BNC2: variants seen among roughly 807,000 people sequenced by gnomAD.
BNC2 encodes basonuclin zinc finger protein 2.
A neutral mutation model predicts 76.3 loss-of-function variants in BNC2; 20 were observed. That is an observed-to-expected ratio of 0.26 (90% CI 0.18 to 0.38). The LOEUF (loss-of-function observed/expected upper bound fraction) is 0.38. BNC2 is among the 10% of genes least tolerant of loss of function. The pLI, the probability that BNC2 is intolerant of heterozygous loss-of-function variation, is 1.00. For synonymous variants in BNC2, 582 were observed against 514.8 expected, an observed-to-expected ratio of 1.13 and a Z score of -1.77; for missense variants, 1,382 against 1,399.8, an observed-to-expected ratio of 0.99 and a Z score of 0.20.
intron 3 of BNC2, among the ~76,000 whole-genome samples, chr9:16,696,092 T>C (rs536136493): frequency 6.6e-6 from 1 of 152,166 alleles, no homozygotes; most frequent in African/African-American, 2.4e-5. Flanking sequence ...TTCTAACAAG[T>C]ACATGCTCAG....
At chr9:16,862,659 T>G (rs1475399408) in intron 1 of BNC2, among the ~76,000 whole-genome samples, 2 of 152,200 alleles carry the variant, frequency 1.3e-5, no homozygotes, top group Admixed American at 6.5e-5. Flanking sequence ...TATTCCTCTC[T>G]CTTTAATTAC....
intron 1 of BNC2, among the ~76,000 whole-genome samples, chr9:16,757,161 A>G (rs1159140247): frequency 6.6e-6 from 1 of 152,208 alleles, no homozygotes; most frequent in South Asian, 2.1e-4. Context: ...AGACAGACTC[A>G]ATAAATACTT....
At chr9:16,837,335 C>G (rs1456667917) in intron 1 of BNC2, among the ~76,000 whole-genome samples, 1 of 152,106 alleles carries the variant, frequency 6.6e-6, no homozygotes, top group East Asian at 1.9e-4. Flanking sequence ...GAAATCCCGT[C>G]TCTACTAAAA....
chr9:16,808,304 C>A (rs1039145736), intron 1 of BNC2, among the ~76,000 whole-genome samples: 4 of 151,904 alleles, frequency 2.6e-5, no homozygotes, highest in African/African-American at 9.7e-5. Flanking sequence ...CGGTTTATTT[C>A]ATTAAAATTT....
chr9:16,677,343 C>T (rs1822674199), intron 3 of BNC2, among the ~76,000 whole-genome samples: 2 of 152,146 alleles, frequency 1.3e-5, no homozygotes, highest in South Asian at 4.2e-4. Context: ...GTGGCTGAGG[C>T]TGGCAGATTA....
At chr9:16,829,942 A>G (rs1435730724) in intron 1 of BNC2, among the ~76,000 whole-genome samples, 1 of 152,200 alleles carries the variant, frequency 6.6e-6, no homozygotes, top group Non-Finnish European at 1.5e-5. Context: ...TGAATCCACC[A>G]CATTTTAATG....
At chr9:16,864,465 T>G (rs150841306) in intron 1 of BNC2, among the ~76,000 whole-genome samples, 5 of 152,288 alleles carry the variant, frequency 3.3e-5, no homozygotes, top group East Asian at 3.9e-4. Flanking sequence ...CAAATGAAGT[T>G]TGGATGAAAA....
At chr9:16,693,824 T>C (rs913295647) in intron 3 of BNC2, among the ~76,000 whole-genome samples, 20 of 152,218 alleles carry the variant, frequency 1.3e-4, no homozygotes, top group African/African-American at 4.8e-4. Flanking sequence ...CCACATCTGC[T>C]GCAAACATTA....
rs564594705 is a variant in BNC2 at position 16,690,590 on chromosome 9, C to G, written c.330+37207G>C. Among the ~76,000 whole-genome samples, 4 of 152,142 alleles carry G rather than the reference C, an allele frequency of 2.6e-5. No homozygotes were observed. The East Asian group carries it at 5.8e-4, about 22-fold the overall frequency. ...TATCCATTTTCAAGGATGGAATGAC[C>G]AGAAATACATTCATTGTTATAGAGT... On this transcript the variant is annotated intron_variant, in intron 3 of 6. Transcript: ENST00000380672.
At chr9:16,620,382 C>A (rs975194912) in intron 3 of BNC2, among the ~76,000 whole-genome samples, 1 of 152,134 alleles carries the variant, frequency 6.6e-6, no homozygotes, top group Non-Finnish European at 1.5e-5. Context: ...GGACTTTGCT[C>A]GGAGCTTTTA....
intron 1 of BNC2, among the ~76,000 whole-genome samples, chr9:16,765,786 T>C (rs7862269): frequency 0.72 from 90,765 of 126,734 alleles, 28,805 homozygotes; most frequent in Non-Finnish European, 0.76. Flanking sequence ...CTCGTAATTT[T>C]TTTTTTTTTT....
chr9:16,816,400 G>A (rs1463733757), intron 1 of BNC2, among the ~76,000 whole-genome samples: 3 of 152,168 alleles, frequency 2.0e-5, no homozygotes, highest in African/African-American at 7.2e-5. Flanking sequence ...GCTCTCTTCA[G>A]TAGAGAATAC....
chr9:16,620,089 T>C, intron 3 of BNC2, among the ~76,000 whole-genome samples: 1 of 152,292 alleles, frequency 6.6e-6, no homozygotes. Flanking sequence ...ATGTAATGAA[T>C]GACAGAACAC....
rs938398916 is a variant in BNC2 at position 16,832,218 on chromosome 9, T to C, written c.3+38428A>G. Reference sequence around the variant, plus strand: ...CAAGGTAGTCTTCAAAGGAAAAATATGAAACTATTACATGTAGTTAAATAC... The same window carrying C: ...CAAGGTAGTCTTCAAAGGAAAAATACGAAACTATTACATGTAGTTAAATAC... On this transcript the variant is annotated intron_variant, in intron 1 of 6. Transcript: ENST00000380672. 57 of 1,167,554 alleles carry C rather than the reference T, an allele frequency of 4.9e-5. No homozygotes were observed. In the African/African-American group the frequency reaches 7.8e-4, roughly 16 times the overall value. The allele number at this position is 1,167,554 out of a possible 1,614,324, so 72.3% of individuals were successfully genotyped here. A position where few individuals can be genotyped will look rare whatever the true frequency, so the allele number is the denominator to read the frequency against.
intron 3 of BNC2, among the ~76,000 whole-genome samples, chr9:16,602,315 C>G (rs1250498226): frequency 1.3e-5 from 2 of 152,166 alleles, no homozygotes; most frequent in African/African-American, 2.4e-5. Context: ...GTATTTACTA[C>G]TAATCATCTT....
chr9:16,672,640 T>C (rs1192207831), intron 3 of BNC2, among the ~76,000 whole-genome samples: 2 of 152,236 alleles, frequency 1.3e-5, no homozygotes, highest in Non-Finnish European at 2.9e-5. Flanking sequence ...AGAACATTGT[T>C]CTAAATCCAT....
At chr9:16,819,035 A>G (rs1307334402) in intron 1 of BNC2, among the ~76,000 whole-genome samples, 1 of 152,198 alleles carries the variant, frequency 6.6e-6, no homozygotes. Context: ...AAGTAATCTA[A>G]CAAAAATTAG....
At chr9:16,518,686 T>C (rs1176557429) in intron 5 of BNC2, among the ~76,000 whole-genome samples, 1 of 152,088 alleles carries the variant, frequency 6.6e-6, no homozygotes, top group African/African-American at 2.4e-5. Context: ...CTGCAACCTC[T>C]GTCTCCCGGG....
chr9:16,419,135 C>T lies in BNC2; in HGVS notation c.3154G>A (p.Val1052Met), dbSNP rs1820654095. The T allele has an allele frequency of 3.7e-6, 6 of 1,614,218 alleles. No homozygotes were observed. Among genetic ancestry groups the T allele is most frequent in the Non-Finnish European group, 3.4e-6 (4 of 1,180,042 alleles). The change falls in exon 7 of 7, where the codon GTG becomes ATG. Residue 1052 changes from valine (V) to methionine (M), a missense_variant. Val to Met is a conservative substitution (Grantham distance 21). This residue lies in a region of BNC2 where 798 missense variants were observed against 775.5 expected (regional missense o/e 1.03). Transcript: ENST00000380672. The stretch of plus-strand genomic sequence containing the variant: ...CTCAAATGCACAGTTTTGTAGTGCA[C>T]TCTCAGGGTCCCCTTGTTGCTGTAC... ...KMYSNKGTLR[V>M]HYKTVHLREM... is the part of the protein sequence containing the mutation.
Sources: allele counts gnomAD v4.1 joint callset (sites outside exome capture counted in the v4.1 genomes callset), GRCh38; gene constraint gnomAD v4.1.1; regional missense constraint gnomAD v4.1.1; transcripts MANE v1.5; gene names NCBI Gene and HGNC (gene_info 2026-07-23, HGNC 2026-07-21).